The following SMYD3 variants were observed in gnomAD, a reference collection of about 807,000 sequenced individuals.
SMYD3 encodes histone-lysine N-methyltransferase SMYD3.
A neutral mutation model predicts 57.7 loss-of-function variants in SMYD3; 36 were observed. The ratio of observed to expected loss-of-function variants is 0.62; its 90% CI spans 0.48 to 0.82. SMYD3 has a LOEUF of 0.82. Ranked by LOEUF, SMYD3 falls within the 40% of genes least tolerant of loss-of-function variation. The pLI is 0.00. For synonymous variants in SMYD3, 211 were observed against 195.0 expected, an observed-to-expected ratio of 1.08 and a Z score of -0.68; for missense variants, 515 against 538.8, an observed-to-expected ratio of 0.96 and a Z score of 0.44.
chr1:245,876,402 C>T (rs530796340), intron 8 of SMYD3, among the ~76,000 whole-genome samples: 73 of 152,368 alleles, frequency 4.8e-4, no homozygotes, highest in African/African-American at 1.6e-3. Flanking sequence ...TTCCAATGCA[C>T]AGTCTGGGCC....
chr1:246,107,966 T>C (rs929775953), intron 5 of SMYD3, among the ~76,000 whole-genome samples: 7 of 152,160 alleles, frequency 4.6e-5, no homozygotes, highest in African/African-American at 1.4e-4. Context: ...CTCTGAACAA[T>C]AGGAACTTTA....
At chr1:245,866,970 G>A (rs1049460111) in intron 8 of SMYD3, among the ~76,000 whole-genome samples, 3 of 152,208 alleles carry the variant, frequency 2.0e-5, no homozygotes, top group Non-Finnish European at 4.4e-5. Context: ...CAAAATGTTA[G>A]TCTCTATGGT....
chr1:246,060,582 A>ATTTTTTTTTT (rs1558191811), intron 5 of SMYD3, among the ~76,000 whole-genome samples: 1 of 152,176 alleles, frequency 6.6e-6, no homozygotes, highest in African/African-American at 2.4e-5. Flanking sequence ...CATTTTAATA[A>ATTTTTTTTTT]ATTTTTATGA....
chr1:245,759,025 G>T (rs1273226661), intron 11 of SMYD3, among the ~76,000 whole-genome samples: 1 of 152,162 alleles, frequency 6.6e-6, no homozygotes, highest in Non-Finnish European at 1.5e-5. Flanking sequence ...ACAAGTTCAG[G>T]TTCCCTATCT....
At chr1:245,758,048 G>A (rs1183832661) in intron 11 of SMYD3, among the ~76,000 whole-genome samples, 2 of 152,014 alleles carry the variant, frequency 1.3e-5, no homozygotes, top group African/African-American at 2.4e-5. Flanking sequence ...CTAAGTCTTC[G>A]AACCTATGAA....
At chr1:246,140,840 C>T (rs926828078) in intron 5 of SMYD3, among the ~76,000 whole-genome samples, 1 of 152,136 alleles carries the variant, frequency 6.6e-6, no homozygotes, top group Non-Finnish European at 1.5e-5. Flanking sequence ...AGCCATCCTC[C>T]CCTCTCCGCC....
At chr1:246,255,020 C>A (rs1033416436) in intron 5 of SMYD3, among the ~76,000 whole-genome samples, 3 of 152,076 alleles carry the variant, frequency 2.0e-5, no homozygotes, top group Non-Finnish European at 2.9e-5. Flanking sequence ...GTTTCAGGAG[C>A]CTTTTGGTGG....
chr1:245,900,643 T>C (rs2054124740), intron 8 of SMYD3, among the ~76,000 whole-genome samples: 1 of 152,234 alleles, frequency 6.6e-6, no homozygotes, highest in South Asian at 2.1e-4. Context: ...CTATCTGTTA[T>C]TTATAGCCAA....
chr1:246,086,901 C>T (rs1186397194), intron 5 of SMYD3, among the ~76,000 whole-genome samples: 1 of 152,010 alleles, frequency 6.6e-6, no homozygotes, highest in Non-Finnish European at 1.5e-5. Flanking sequence ...CCGACAGGCC[C>T]AGTGTGTGTT....
At chr1:246,283,204 C>A (rs375526370) in intron 5 of SMYD3, among the ~76,000 whole-genome samples, 1 of 152,176 alleles carries the variant, frequency 6.6e-6, no homozygotes, top group South Asian at 2.1e-4. Context: ...CACCACAGTT[C>A]TACAAATGTA....
In SMYD3 at chr1:246,232,817, T is replaced by C. The variant is rs2063436175; in HGVS notation, c.531+94384A>G. 1.5e-5 allele frequency among the ~76,000 whole-genome samples: 2 copies of C among 136,746 alleles called. 1 individual carries two copies. Among genetic ancestry groups the C allele is most frequent in the Non-Finnish European group, 3.1e-5 (2 of 64,336 alleles). 89.7% of individuals were successfully genotyped at this position (136,746 alleles called of 152,430 possible). ...ACACAGAGAAGAAGCGCTCCTTCAATTCACACTGTGATGAACATATACCAC... is the reference window on the plus strand; with the variant it reads ...ACACAGAGAAGAAGCGCTCCTTCAACTCACACTGTGATGAACATATACCAC... On this transcript the variant is annotated intron_variant, in intron 5 of 11. Coordinates refer to ENST00000490107, the MANE Select transcript of SMYD3 (RefSeq NM_001167740.2).
chr1:245,929,918 G>C lies in SMYD3; in HGVS notation c.551C>G (p.Thr184Ser). 1.2e-6 allele frequency: 2 copies of C among 1,613,704 alleles called. No homozygotes were observed. The highest frequency in any genetic ancestry group is 1.7e-6 in the Non-Finnish European group (2 of 1,179,742). Residue 184 changes from threonine to serine, a missense_variant, in exon 6 of 12, where the codon ACC becomes AGC. Coordinates refer to ENST00000490107, the MANE Select transcript of SMYD3 (RefSeq NM_001167740.2). ...TTCCTGCATCTCCGCATTACAGATG[G>C]TGAAAGAGTTGCAGATCACCTGTAA... ...AFAKVICNSF[T>S]ICNAEMQEVG... is the part of the protein sequence containing the mutation.
At chr1:246,285,408 T>C (rs2064540492) in intron 5 of SMYD3, among the ~76,000 whole-genome samples, 1 of 152,186 alleles carries the variant, frequency 6.6e-6, no homozygotes, top group African/African-American at 2.4e-5. Flanking sequence ...AATTGTGAAC[T>C]CTGCTGGTAC....
intron 5 of SMYD3, among the ~76,000 whole-genome samples, chr1:245,999,681 A>G (rs1318959807): frequency 6.6e-6 from 1 of 152,224 alleles, no homozygotes; most frequent in Non-Finnish European, 1.5e-5. Flanking sequence ...AGAGAGAGAA[A>G]GAGAGATAAA....
intron 1 of SMYD3, among the ~76,000 whole-genome samples, chr1:246,487,327 A>ATCCCAGCTACTCG (rs2068204105): frequency 2.6e-5 from 4 of 151,990 alleles, no homozygotes; most frequent in African/African-American, 9.7e-5. Flanking sequence ...CGCACCTGTA[A>ATCCCAGCTACTCG]TCCCAGCTAC....
At chr1:245,850,029 T>C (rs1011797539) in intron 10 of SMYD3, among the ~76,000 whole-genome samples, 13 of 151,884 alleles carry the variant, frequency 8.6e-5, no homozygotes, top group Non-Finnish European at 1.9e-4. Context: ...AGTATAAAAA[T>C]GGGTAGGAAT....
At chr1:245,911,459 G>A (rs567370638) in intron 8 of SMYD3, among the ~76,000 whole-genome samples, 16 of 150,756 alleles carry the variant, frequency 1.1e-4, no homozygotes, top group East Asian at 3.9e-4. Context: ...GGCAGGGGTC[G>A]ACCTAAATGT....
chr1:246,244,258 A>T (rs898576458), intron 5 of SMYD3, among the ~76,000 whole-genome samples: 1 of 152,070 alleles, frequency 6.6e-6, no homozygotes, highest in Non-Finnish European at 1.5e-5. Flanking sequence ...AATTCATTGT[A>T]CTTTTCACCT....
chr1:246,378,048 T>A lies in SMYD3; in HGVS notation c.165-22954A>T, dbSNP rs77272426. Among the ~76,000 whole-genome samples the A allele has an allele frequency of 8.3e-3, 1,262 of 152,326 alleles. 19 individuals are homozygous for A. The highest frequency in any genetic ancestry group is 0.028 in the African/African-American group (1,168 of 41,576). The stretch of plus-strand genomic sequence containing the variant: ...TTCATGTCTATTCACCATGCATAAT[T>A]TCCCTTTTATCAACTGCCTGTTCAT... On this transcript the variant is annotated intron_variant, in intron 1 of 11. Transcript: ENST00000490107.
Sources: allele counts gnomAD v4.1 joint callset (sites outside exome capture counted in the v4.1 genomes callset), GRCh38; gene constraint gnomAD v4.1.1; transcripts MANE v1.5; gene names NCBI Gene and HGNC (gene_info 2026-07-23, HGNC 2026-07-21).